Variants in CDC25C observed in about 807,000 individuals in gnomAD.
The protein encoded by CDC25C is cell division cycle 25C.
In CDC25C, 48 loss-of-function variants were observed where a neutral mutation model predicts 52.5. That is an observed-to-expected ratio of 0.91 (90% confidence interval 0.72 to 1.16). The LOEUF (loss-of-function observed/expected upper bound fraction) is 1.16. Ranked by LOEUF, CDC25C falls within the 50% of genes most tolerant of loss-of-function variation. The pLI is 0.00. For missense variants in CDC25C, 510 were observed against 566.1 expected, an observed-to-expected ratio of 0.90 and a Z score of 1.01; for synonymous variants, 187 against 206.5, an observed-to-expected ratio of 0.91 and a Z score of 0.81.
At chr5:138,314,185 C>T (rs1038240518) in intron 7 of CDC25C, among the ~76,000 whole-genome samples, 5 of 151,520 alleles carry the variant, frequency 3.3e-5, no homozygotes, top group African/African-American at 7.3e-5. Context: ...TTAATAGAGA[C>T]GAGGCTTCAA....
At chr5:138,315,872 G>A (rs1459938298) in intron 7 of CDC25C, among the ~76,000 whole-genome samples, 1 of 152,248 alleles carries the variant, frequency 6.6e-6, no homozygotes, top group Admixed American at 6.5e-5. Flanking sequence ...CTGCAGCAGA[G>A]AGGTATGGAT....
intron 7 of CDC25C, among the ~76,000 whole-genome samples, chr5:138,309,689 A>G (rs932898855): frequency 9.9e-5 from 15 of 151,136 alleles, no homozygotes; most frequent in Admixed American, 8.7e-4. Context: ...CCCTCAAACT[A>G]ACTAAAACCT....
intron 11 of CDC25C, 111 bp downstream of exon 11, chr5:138,287,058 A>G: frequency 2.9e-6 from 2 of 693,950 alleles, no homozygotes; most frequent in Non-Finnish European, 2.5e-6. Flanking sequence ...TGCTTCAAAT[A>G]TGTAATCTTT....
intron 6 of CDC25C, among the ~76,000 whole-genome samples, chr5:138,323,690 G>A (rs1172588678): frequency 6.6e-6 from 1 of 152,028 alleles, no homozygotes; most frequent in Non-Finnish European, 1.5e-5. Flanking sequence ...TCCAGGTATG[G>A]TGGCTCATGC....
chr5:138,290,878 C>A, intron 8 of CDC25C, 138 bp from the exon 9 acceptor site: 1 of 593,582 alleles, frequency 1.7e-6, no homozygotes, highest in South Asian at 2.0e-5. Context: ...TCACTTGAGC[C>A]CAGGAGGCCA....
At chr5:138,305,061 A>G (rs912000932) in intron 7 of CDC25C, among the ~76,000 whole-genome samples, 3 of 152,142 alleles carry the variant, frequency 2.0e-5, no homozygotes, top group African/African-American at 7.2e-5. Context: ...CAACATGTGA[A>G]GACCTTTTCC....
intron 7 of CDC25C, among the ~76,000 whole-genome samples, chr5:138,293,006 T>G (rs1012547494): frequency 6.6e-6 from 1 of 152,222 alleles, no homozygotes; most frequent in African/African-American, 2.4e-5. Context: ...GAGCCATAAC[T>G]GGAAGGCAGC....
intron 7 of CDC25C, among the ~76,000 whole-genome samples, chr5:138,301,417 T>G (rs1757616099): frequency 6.6e-6 from 1 of 152,060 alleles, no homozygotes; most frequent in Non-Finnish European, 1.5e-5. Context: ...TTAAACTGAG[T>G]AGTTCCTATC....
chr5:138,289,393 G>T, intron 10 of CDC25C, 108 bp downstream of exon 10: 1 of 786,592 alleles, frequency 1.3e-6, no homozygotes, highest in Non-Finnish European at 2.2e-6. Flanking sequence ...AGGAGCCTGT[G>T]TGAGTGAACA....
chr5:138,286,097 G>C lies in CDC25C; in HGVS notation c.1197C>G (p.Asn399Lys), dbSNP rs569764116. ...CTGGGTAGTACAATGCAGGATACTG[G>C]TTCAGAGACCTGTCCTCTTCACGCA... The part of the protein sequence containing the change: ...RCLREEDRSL[N>K]QYPALYYPEL... Residue 399 changes from asparagine (N) to lysine (K), a missense_variant, in exon 13 of 14, where the codon AAC becomes AAG. Coordinates refer to ENST00000323760, the MANE Select transcript of CDC25C (RefSeq NM_001790.5). 2.6e-5 allele frequency: 42 copies of C among 1,614,034 alleles called. 1 individual carries two copies. In the South Asian group the frequency reaches 4.4e-4, roughly 17 times the overall value.
chr5:138,293,844 A>C (rs1756942224), intron 7 of CDC25C, among the ~76,000 whole-genome samples: 1 of 151,608 alleles, frequency 6.6e-6, no homozygotes, highest in African/African-American at 2.4e-5. Flanking sequence ...AGAGGGTTTT[A>C]CCATGTTGTC....
exon 1 of CDC25C, chr5:138,338,258 G>T (rs1429658209): frequency 7.7e-6 from 8 of 1,034,586 alleles, no homozygotes; most frequent in East Asian, 6.0e-5. Flanking sequence ...GGGGCGAACC[G>T]AGCGCTCAGA....
At chr5:138,289,820 G>A (rs992670637) in intron 9 of CDC25C, among the ~76,000 whole-genome samples, 2 of 147,654 alleles carry the variant, frequency 1.4e-5, no homozygotes, top group Non-Finnish European at 3.0e-5. Context: ...AGAAAAAATT[G>A]TAAAACCAAA....
Position 138,285,679 on chromosome 5 carries a change from G to C in CDC25C, c.*13C>G. On this transcript the variant is annotated 3_prime_UTR_variant, in exon 14 of 14. Transcript: ENST00000323760. Reference sequence around the variant, plus strand: ...TTTTGGTGACTTGTTAGCAGCCAGTGGCTGGAATGTTATCATGGGCTCATG... The same window carrying C: ...TTTTGGTGACTTGTTAGCAGCCAGTCGCTGGAATGTTATCATGGGCTCATG... 6.2e-7 allele frequency: 1 copy of C among 1,612,884 alleles called. No individual in the cohort carries two copies. Among genetic ancestry groups the C allele is most frequent in the African/African-American group, 1.3e-5 (1 of 75,026 alleles).
chr5:138,293,510 T>C (rs763703864), intron 7 of CDC25C, among the ~76,000 whole-genome samples: 3 of 152,050 alleles, frequency 2.0e-5, no homozygotes, highest in Non-Finnish European at 2.9e-5. Context: ...GGACTTCATA[T>C]AACTTCAATT....
intron 7 of CDC25C, among the ~76,000 whole-genome samples, chr5:138,295,620 GAA>G (rs796089381): frequency 2.1e-5 from 2 of 93,412 alleles, no homozygotes; most frequent in East Asian, 3.1e-4. Flanking sequence ...CTTCTCTTAA[GAA>G]AAAAAAAAAA....
At chr5:138,311,157 A>G (rs944751937) in intron 7 of CDC25C, among the ~76,000 whole-genome samples, 3 of 152,172 alleles carry the variant, frequency 2.0e-5, no homozygotes, top group Non-Finnish European at 4.4e-5. Flanking sequence ...AAGGGTCCCA[A>G]TTTCTCCATA....
intron 7 of CDC25C, among the ~76,000 whole-genome samples, chr5:138,309,747 G>A (rs112377579): frequency 0.032 from 3,912 of 122,504 alleles, 77 homozygotes; most frequent in Middle Eastern, 0.072. Flanking sequence ...ATGGAGTCTC[G>A]CTCTGTCACC....
At position 138,286,692 on chromosome 5, in the gene CDC25C, GAAAT is replaced by G. The variant is rs1675283972; in HGVS notation, c.1027-66_1027-63del. ...GGCTTATAGACAGTGCCAATACTTA[GAAAT>G]GACTGAGACGCCAACCTGGGATAAT... On this transcript the variant is annotated intron_variant, in intron 11 of 13. Coordinates refer to ENST00000323760, the MANE Select transcript of CDC25C (RefSeq NM_001790.5). 18 of 1,481,028 alleles carry G rather than the reference GAAAT, an allele frequency of 1.2e-5. No homozygotes were observed. The South Asian group carries it at 2.4e-4, about 19-fold the overall frequency. 91.7% of individuals were successfully genotyped at this position (1,481,028 alleles called of 1,614,324 possible).
Sources: gnomAD v4.1 joint callset for allele counts (sites outside exome capture counted in the v4.1 genomes callset) on GRCh38, gnomAD v4.1.1 for gene constraint, MANE v1.5 for transcripts, NCBI Gene and HGNC (gene_info 2026-07-23, HGNC 2026-07-21) for gene names.